CELF2: variants seen among roughly 807,000 people sequenced by gnomAD.
The protein encoded by CELF2 is CUG triplet repeat RNA-binding protein 2.
CELF2 carries 8 observed loss-of-function variants against 62.6 expected under a neutral mutation model. That is an observed-to-expected ratio of 0.13 (90% confidence interval 0.07 to 0.23). CELF2 has a LOEUF of 0.23. Ranked by LOEUF, CELF2 falls within the 10% of genes least tolerant of loss-of-function variation. The pLI, the probability that CELF2 is intolerant of heterozygous loss-of-function variation, is 1.00. For missense variants in CELF2, 333 were observed against 671.0 expected, an observed-to-expected ratio of 0.50 and a Z score of 5.56; for synonymous variants, 258 against 250.0, an observed-to-expected ratio of 1.03 and a Z score of -0.30.
rs115034767 is a variant in CELF2, at chr10:10,896,719, C to T, written c.54-23245C>T. On this transcript the variant is annotated intron_variant, in intron 1 of 13. Coordinates refer to the CELF2 transcript ENST00000636488. Reference sequence around the variant, plus strand: ...ACAAGATGTTACTCCCTGGAATCTTCAGACCAGAGGATGACCCTGCCAGCA... The same window carrying T: ...ACAAGATGTTACTCCCTGGAATCTTTAGACCAGAGGATGACCCTGCCAGCA... 9.4e-3 allele frequency among the ~76,000 whole-genome samples: 1,427 copies of T among 152,260 alleles called. 24 individuals carry two copies. Among genetic ancestry groups the T allele is most frequent in the African/African-American group, 0.033 (1,351 of 41,538 alleles).
intron 1 of CELF2, among the ~76,000 whole-genome samples, chr10:11,105,783 G>T (rs2053259956): frequency 6.6e-6 from 1 of 152,158 alleles, no homozygotes; most frequent in South Asian, 2.1e-4. Context: ...CTTTCCCGCT[G>T]CATGTCCACA....
At chr10:10,570,944 A>T in the CELF2 span, among the ~76,000 whole-genome samples, 2 of 152,172 alleles carry the variant, frequency 1.3e-5, no homozygotes, top group Admixed American at 6.6e-5. Context: ...CGCTCTGAAT[A>T]CTAAGCTGGT....
the CELF2 span, among the ~76,000 whole-genome samples, chr10:10,699,645 G>A: frequency 2.0e-5 from 3 of 152,200 alleles, no homozygotes; most frequent in African/African-American, 7.2e-5. Flanking sequence ...AGACAGAGGG[G>A]GATGCCTGAC....
intron 1 of CELF2, among the ~76,000 whole-genome samples, chr10:11,076,569 G>A (rs1402439073): frequency 6.6e-6 from 1 of 152,162 alleles, no homozygotes; most frequent in Non-Finnish European, 1.5e-5. Context: ...AGTACTGATT[G>A]CCCACTCACA....
chr10:10,633,002 C>A, the CELF2 span, among the ~76,000 whole-genome samples: 1 of 152,144 alleles, frequency 6.6e-6, no homozygotes, highest in Non-Finnish European at 1.5e-5. Flanking sequence ...ATAAAGGCTG[C>A]ATAGAATTCC....
At chr10:10,857,451 A>C (rs1034916549) in intron 1 of CELF2, among the ~76,000 whole-genome samples, 1 of 151,828 alleles carries the variant, frequency 6.6e-6, no homozygotes, top group Non-Finnish European at 1.5e-5. Flanking sequence ...CTTAAAAACA[A>C]ATCTCAGAAG....
chr10:11,301,550 G>A (rs956841134), intron 9 of CELF2, among the ~76,000 whole-genome samples: 12 of 126,494 alleles, frequency 9.5e-5, no homozygotes, highest in Admixed American at 1.6e-4. Context: ...CCCCGGCCCC[G>A]ACTCCCGTTC....
intron 3 of CELF2, among the ~76,000 whole-genome samples, chr10:11,221,320 C>G (rs1188983207): frequency 6.6e-6 from 1 of 152,134 alleles, no homozygotes; most frequent in East Asian, 1.9e-4. Flanking sequence ...CATTATCTAC[C>G]ATTGTGTTTC....
At chr10:10,893,991 T>C (rs745330483) in intron 1 of CELF2, among the ~76,000 whole-genome samples, 1 of 152,176 alleles carries the variant, frequency 6.6e-6, no homozygotes, top group Non-Finnish European at 1.5e-5. Context: ...TCATGGTTTC[T>C]GGAATCAGAG....
the CELF2 span, among the ~76,000 whole-genome samples, chr10:10,589,891 A>G: frequency 6.6e-6 from 1 of 152,170 alleles, no homozygotes; most frequent in African/African-American, 2.4e-5. Context: ...CTAAGGTCCT[A>G]GACTTCCCTC....
the CELF2 span, among the ~76,000 whole-genome samples, chr10:10,508,824 C>T: frequency 5.9e-5 from 9 of 151,922 alleles, no homozygotes; most frequent in East Asian, 1.6e-3. Context: ...TACAGGCACC[C>T]GCCACCATGC....
At chr10:10,581,689 G>A in the CELF2 span, among the ~76,000 whole-genome samples, 1 of 152,140 alleles carries the variant, frequency 6.6e-6, no homozygotes, top group Admixed American at 6.6e-5. Flanking sequence ...CTAATGTGAT[G>A]ATTTGGTAAC....
chr10:10,819,536 AC>A (rs1293038718), intron 1 of CELF2, among the ~76,000 whole-genome samples: 7 of 152,086 alleles, frequency 4.6e-5, no homozygotes, highest in African/African-American at 1.7e-4. Context: ...TTGTTGACTC[AC>A]CCCTTTCTCT....
intron 2 of CELF2, among the ~76,000 whole-genome samples, chr10:10,999,700 G>A (rs759745618): frequency 2.0e-5 from 3 of 152,154 alleles, no homozygotes; most frequent in South Asian, 2.1e-4. Flanking sequence ...TTTCCGTCAC[G>A]TGATCATATG....
chr10:11,258,638 G>A (rs2079518680), intron 5 of CELF2, among the ~76,000 whole-genome samples: 1 of 152,202 alleles, frequency 6.6e-6, no homozygotes, highest in Non-Finnish European at 1.5e-5. Context: ...GACGCTGGAG[G>A]TTGACACTCG....
the CELF2 span, among the ~76,000 whole-genome samples, chr10:10,656,794 C>T: frequency 3.4e-4 from 49 of 142,588 alleles, 1 homozygote; most frequent in East Asian, 4.8e-3. Context: ...GTGGGTGCAG[C>T]GCACCAGCAT....
intron 1 of CELF2, among the ~76,000 whole-genome samples, chr10:10,861,534 T>C (rs1353656343): frequency 6.6e-6 from 1 of 152,222 alleles, no homozygotes; most frequent in Non-Finnish European, 1.5e-5. Context: ...TAAAAGTTAA[T>C]GATCCCTAGA....
At chr10:11,200,850 C>CA (rs1565257847) in intron 2 of CELF2, among the ~76,000 whole-genome samples, 3 of 152,180 alleles carry the variant, frequency 2.0e-5, no homozygotes, top group Non-Finnish European at 4.4e-5. Context: ...TGGGCTGAGT[C>CA]GCACCGTACA....
rs1445320605 is a variant in CELF2 at position 10,934,059 on chromosome 10, A to T, written c.89+14060A>T. On this transcript the variant is annotated intron_variant, in intron 2 of 13. Transcript: ENST00000636488. This position sits in a 1 kb window ranked among gnomAD's most constrained non-coding sequence, Gnocchi z 4.4. ...GGCTATGCTAATGTACATTCCCACA[A>T]ACAGTATACAAGGGTTCCCTTTCTC... 6.6e-6 allele frequency among the ~76,000 whole-genome samples: 1 copy of T among 152,244 alleles called. No homozygotes were observed. The highest frequency in any genetic ancestry group is 1.5e-5 in the Non-Finnish European group (1 of 68,040).
Sources: allele counts gnomAD v4.1 joint callset (sites outside exome capture counted in the v4.1 genomes callset), GRCh38; gene constraint gnomAD v4.1.1; non-coding constraint Gnocchi (gnomAD v3.1); transcripts MANE v1.5; gene names NCBI Gene and HGNC (gene_info 2026-07-23, HGNC 2026-07-21).